Variants in DCUN1D4 observed in about 807,000 individuals in gnomAD.
The protein encoded by DCUN1D4 is DCN1-like protein 4.
Under a neutral mutation model 47.9 loss-of-function variants are expected in DCUN1D4, and 22 were observed. The observed-to-expected ratio is 0.46, with a 90% CI of 0.33 to 0.66. The LOEUF is 0.66. Ranked by LOEUF, DCUN1D4 falls within the 30% of genes least tolerant of loss-of-function variation. DCUN1D4 has a pLI of 0.02. For missense variants in DCUN1D4, 301 were observed against 340.8 expected, an observed-to-expected ratio of 0.88 and a Z score of 0.92; for synonymous variants, 121 against 112.2, an observed-to-expected ratio of 1.08 and a Z score of -0.50.
intron 1 of DCUN1D4, among the ~76,000 whole-genome samples, chr4:51,859,604 T>A (rs959828043): frequency 7.2e-6 from 1 of 138,476 alleles, no homozygotes; most frequent in Admixed American, 8.5e-5. Flanking sequence ...TTTTTTCTTT[T>A]GTGTAGGTCA....
intron 1 of DCUN1D4, among the ~76,000 whole-genome samples, chr4:51,855,377 T>G (rs1457133375): frequency 6.6e-6 from 1 of 152,218 alleles, no homozygotes; most frequent in Non-Finnish European, 1.5e-5. Flanking sequence ...CCATGCTATG[T>G]GAATTATATT....
intron 1 of DCUN1D4, among the ~76,000 whole-genome samples, chr4:51,853,917 C>G (rs1723744291): frequency 6.6e-6 from 1 of 152,208 alleles, no homozygotes; most frequent in South Asian, 2.1e-4. Flanking sequence ...AGTGCTTCCC[C>G]TGTGCCACGC....
intron 1 of DCUN1D4, among the ~76,000 whole-genome samples, chr4:51,859,985 T>C (rs1201785006): frequency 6.6e-6 from 1 of 152,182 alleles, no homozygotes; most frequent in East Asian, 1.9e-4. Context: ...ACCCTTAACA[T>C]CTAGGCCTTA....
intron 1 of DCUN1D4, among the ~76,000 whole-genome samples, chr4:51,858,920 G>A (rs1724568633): frequency 6.6e-6 from 1 of 152,176 alleles, no homozygotes; most frequent in Non-Finnish European, 1.5e-5. Context: ...TTTACAATCT[G>A]GCCCTTCATA....
At chr4:51,871,605 T>C (rs1473466184) in intron 3 of DCUN1D4, among the ~76,000 whole-genome samples, 1 of 152,196 alleles carries the variant, frequency 6.6e-6, no homozygotes, top group Non-Finnish European at 1.5e-5. Context: ...CCGTGACTGC[T>C]ATTGGAAGAA....
the DCUN1D4 span, among the ~76,000 whole-genome samples, chr4:51,836,978 A>G: frequency 2.0e-5 from 3 of 152,246 alleles, no homozygotes; most frequent in Non-Finnish European, 4.4e-5. Context: ...CACAGAAGCC[A>G]TTATCCAAAT....
chr4:51,857,594 C>T (rs1003578590), intron 1 of DCUN1D4, among the ~76,000 whole-genome samples: 4 of 152,182 alleles, frequency 2.6e-5, no homozygotes, highest in African/African-American at 9.7e-5. Context: ...TCATGTAAGA[C>T]TGTCATATTA....
chr4:51,841,240 T>TA (rs574624011), upstream of DCUN1D4, among the ~76,000 whole-genome samples: 2,359 of 147,644 alleles, frequency 0.016, 17 homozygotes, highest in Middle Eastern at 0.031. Context: ...TGGTAAACGG[T>TA]AAAAAAAAAA....
intron 3 of DCUN1D4, among the ~76,000 whole-genome samples, chr4:51,865,837 C>T (rs1443491569): frequency 1.3e-5 from 2 of 152,140 alleles, no homozygotes; most frequent in African/African-American, 4.8e-5. Context: ...CAAGAATGCA[C>T]AGGACTTTCA....
At chr4:51,897,847 A>G (rs7672724) in intron 7 of DCUN1D4, among the ~76,000 whole-genome samples, 56,465 of 152,144 alleles carry the variant, frequency 0.37, 12,301 homozygotes, top group East Asian at 0.6. Flanking sequence ...GAGTAATGAC[A>G]GTAACAGATT....
chr4:51,887,326 T>G (rs1479951101), intron 6 of DCUN1D4: 1 of 299,462 alleles, frequency 3.3e-6, no homozygotes, highest in Non-Finnish European at 6.5e-6. Flanking sequence ...TGTCTCTATC[T>G]CCTGACCTTG....
chr4:51,842,327 T>C (rs1048632007), upstream of DCUN1D4, among the ~76,000 whole-genome samples: 2 of 152,164 alleles, frequency 1.3e-5, no homozygotes, highest in Admixed American at 1.3e-4. Context: ...CTGTCTGATG[T>C]CTGGGGCATA....
Position 51,916,667 on chromosome 4 carries a change from C to T in DCUN1D4, c.*3083C>T, listed in dbSNP as rs957683560. On this transcript the variant is annotated 3_prime_UTR_variant, in exon 11 of 11. Transcript: ENST00000334635. ...ACCTATAACTGTGAATGCTTCGTGT[C>T]GTCAGTATTTGCATTACATTCATAA... 7.2e-5 allele frequency: 11 copies of T among 152,486 alleles called. No homozygotes were observed. Among genetic ancestry groups the T allele is most frequent in the East Asian group, 5.8e-4 (3 of 5,184 alleles). The allele number at this position is 152,486 out of a possible 1,614,324, so 9.4% of individuals were successfully genotyped here. A position where few individuals can be genotyped will look rare whatever the true frequency, so the allele number is the denominator to read the frequency against.
chr4:51,889,981 C>T (rs1730162957), intron 6 of DCUN1D4, among the ~76,000 whole-genome samples: 1 of 152,148 alleles, frequency 6.6e-6, no homozygotes, highest in African/African-American at 2.4e-5. Flanking sequence ...TTGATATGTA[C>T]TAATTTATTT....
rs1470995168 is a variant in DCUN1D4 at position 51,905,914 on chromosome 4, T to C, written c.616-5156T>C. Among the ~76,000 whole-genome samples the C allele has an allele frequency of 2.0e-5, 3 of 152,044 alleles. No homozygotes were observed. In the East Asian group the frequency reaches 5.8e-4, roughly 29 times the overall value. On this transcript the variant is annotated intron_variant, in intron 8 of 10. Transcript: ENST00000334635. ...GTGAGAAGTTTGAGAGGAGCCCTGGTGGAGTGATCGAGGTGAACCAGACAG... is the reference window on the plus strand; with the variant it reads ...GTGAGAAGTTTGAGAGGAGCCCTGGCGGAGTGATCGAGGTGAACCAGACAG...
upstream of DCUN1D4, among the ~76,000 whole-genome samples, chr4:51,840,345 G>A (rs1221026450): frequency 6.6e-6 from 1 of 152,190 alleles, no homozygotes; most frequent in East Asian, 1.9e-4. Context: ...TTTCAACCAT[G>A]AAGCAGACTT....
chr4:51,889,549 A>G (rs942927147), intron 6 of DCUN1D4, among the ~76,000 whole-genome samples: 12 of 152,116 alleles, frequency 7.9e-5, no homozygotes, highest in Admixed American at 7.2e-4. Context: ...CTCTTTAGCC[A>G]TGTTTCATTC....
chr4:51,879,570 G>A (rs1436251552), intron 5 of DCUN1D4, among the ~76,000 whole-genome samples: 1 of 152,194 alleles, frequency 6.6e-6, no homozygotes, highest in Non-Finnish European at 1.5e-5. Flanking sequence ...TTGTGCCACT[G>A]CACTCCAGCC....
chr4:51,845,286 T>C, intron 1 of DCUN1D4: 1 of 985,242 alleles, frequency 1.0e-6, no homozygotes, highest in Non-Finnish European at 1.2e-6. Flanking sequence ...TATGTGTTGG[T>C]ATTTCTTGGG....
Sources: allele counts gnomAD v4.1 joint callset (sites outside exome capture counted in the v4.1 genomes callset), GRCh38; gene constraint gnomAD v4.1.1; transcripts MANE v1.5; gene names NCBI Gene and HGNC (gene_info 2026-07-23, HGNC 2026-07-21).